DCHS2: variants seen among roughly 807,000 people sequenced by gnomAD.
DCHS2 encodes protocadherin-23.
A neutral mutation model predicts 182.4 loss-of-function variants in DCHS2; 142 were observed. The observed-to-expected ratio is 0.78, with a 90% CI of 0.68 to 0.89. The LOEUF (loss-of-function observed/expected upper bound fraction) is 0.89. Among genes scored for constraint, DCHS2 ranks in the 40% least tolerant of loss-of-function variants. The pLI is 0.00. For missense variants in DCHS2, 4,319 were observed against 4,198.6 expected, an observed-to-expected ratio of 1.03 and a Z score of -0.79; for synonymous variants, 1,740 against 1,663.3, an observed-to-expected ratio of 1.05 and a Z score of -1.12.
At chr4:154,459,955 C>A (rs1734945213) in intron 1 of DCHS2, among the ~76,000 whole-genome samples, 1 of 152,166 alleles carries the variant, frequency 6.6e-6, no homozygotes, top group South Asian at 2.1e-4. Flanking sequence ...ACCAATTCTA[C>A]ACCTGATGGA....
rs931979166 is a variant in DCHS2, at chr4:154,491,539, A to G, written c.-184T>C. The G allele has an allele frequency of 1.9e-5, 27 of 1,389,530 alleles. No individual in the cohort carries two copies. The highest frequency in any genetic ancestry group is 2.3e-5 in the Non-Finnish European group (25 of 1,078,484). 86.1% of individuals were successfully genotyped at this position (1,389,530 alleles called of 1,614,324 possible). The stretch of plus-strand genomic sequence containing the variant: ...ACTGGTGAAAGCGTCCTCTGCCTGC[A>G]GCTCACGCAGACAGGGAAGTAAGCT... On this transcript the variant is annotated 5_prime_UTR_variant, in exon 1 of 20. Coordinates refer to ENST00000357232, the MANE Select transcript of DCHS2 (RefSeq NM_001358235.2).
chr4:154,373,844 AC>A, intron 2 of DCHS2: 1 of 1,219,130 alleles, frequency 8.2e-7, no homozygotes, highest in Non-Finnish European at 1.2e-6. Flanking sequence ...GAGAAGGAAA[AC>A]TCGAAGCTCT....
rs771129316 is a variant in DCHS2, at chr4:154,234,722, G to T, written c.9930C>A (p.Arg3310=). ...AACCAAGATGGTAGGGGATGGGAGA[G>T]CGTGGGTGTTTCGGAGGCACCTGCC... ...NLGQVPPKHP[R]SPIPYHLGSL... is the part of the protein sequence containing the mutation. The change falls in exon 20 of 20, where the codon CGC becomes CGA. Residue 3310 remains arginine (R), a synonymous_variant. Transcript: ENST00000357232. 6.2e-7 allele frequency: 1 copy of T among 1,613,854 alleles called. No homozygotes were observed. The highest frequency in any genetic ancestry group is 8.5e-7 in the Non-Finnish European group (1 of 1,179,934).
rs144958561 is a variant in DCHS2 at position 154,255,619 on chromosome 4, T to A, written c.6841A>T (p.Ile2281Phe). Residue 2281 changes from isoleucine (I) to phenylalanine (F), a missense_variant, in exon 16 of 20, where the codon ATT becomes TTT. By Grantham distance (21) the Ile-to-Phe change is conservative (BLOSUM62 0). Coordinates refer to ENST00000357232, the MANE Select transcript of DCHS2 (RefSeq NM_001358235.2). Reference sequence around the variant, plus strand: ...GCTTCTTCTTGGTTGCCAGACAGAATAGAATACTCAATCAGGCCGTTCAAA... The same window carrying A: ...GCTTCTTCTTGGTTGCCAGACAGAAAAGAATACTCAATCAGGCCGTTCAAA... ...SGLNGLIEYS[I>F]LSGNQEEAFQ... The A allele has an allele frequency of 1.4e-5, 22 of 1,613,834 alleles. No homozygotes were observed. The African/African-American group carries it at 2.8e-4, about 21-fold the overall frequency.
intron 3 of DCHS2, among the ~76,000 whole-genome samples, chr4:154,349,809 A>G (rs1315184810): frequency 2.0e-5 from 3 of 152,242 alleles, no homozygotes; most frequent in African/African-American, 7.2e-5. Context: ...GATGAATACT[A>G]TTTAATTAAT....
chr4:154,327,655 C>T (rs574245134), intron 7 of DCHS2, among the ~76,000 whole-genome samples: 7 of 152,222 alleles, frequency 4.6e-5, no homozygotes, highest in South Asian at 2.1e-4. Flanking sequence ...CATACACACA[C>T]GCATGTATAC....
intron 1 of DCHS2, among the ~76,000 whole-genome samples, chr4:154,474,071 C>A (rs141466358): frequency 2.1e-3 from 317 of 152,284 alleles, no homozygotes; most frequent in Non-Finnish European, 3.5e-3. Flanking sequence ...TTGCCCTTTT[C>A]AGCTTTTGGT....
Position 154,427,477 on chromosome 4 carries a change from C to T in DCHS2, c.2053-50033G>A, listed in dbSNP as rs184494122. Among the ~76,000 whole-genome samples the T allele has an allele frequency of 1.8e-3, 274 of 152,298 alleles. 1 individual carries two copies. The highest frequency in any genetic ancestry group is 5.9e-3 in the African/African-American group (246 of 41,566). ...CCTTTTTCCATCCATGACTATTGCC[C>T]GACCACGCAGCAACCCCAGAGCCAC... On this transcript the variant is annotated intron_variant, in intron 1 of 19. Transcript: ENST00000357232.
At chr4:154,488,892 GTGTGTGTGT>G (rs1728682351) in intron 1 of DCHS2, among the ~76,000 whole-genome samples, 1 of 24,680 alleles carries the variant, frequency 4.1e-5, no homozygotes, top group East Asian at 8.5e-3. Context: ...ATATATGTGT[GTGTGTGTGT>G]CTGTGTGTGT....
intron 2 of DCHS2, among the ~76,000 whole-genome samples, chr4:154,376,377 T>A (rs1451970998): frequency 6.6e-6 from 1 of 152,040 alleles, no homozygotes; most frequent in Non-Finnish European, 1.5e-5. Context: ...TTTTTTAAAA[T>A]CCAGGAATTT....
At chr4:154,248,601 T>C (rs1219312257) in intron 16 of DCHS2, among the ~76,000 whole-genome samples, 1 of 152,178 alleles carries the variant, frequency 6.6e-6, no homozygotes, top group Non-Finnish European at 1.5e-5. Context: ...TATGTATCTA[T>C]TGAATACTTC....
intron 1 of DCHS2, among the ~76,000 whole-genome samples, chr4:154,454,134 C>T (rs564125566): frequency 1.1e-3 from 81 of 71,790 alleles, no homozygotes; most frequent in African/African-American, 8.0e-4. Flanking sequence ...CACATGCGCG[C>T]GCACACACAC....
intron 1 of DCHS2, among the ~76,000 whole-genome samples, chr4:154,404,384 A>G (rs1379879874): frequency 6.6e-6 from 1 of 152,236 alleles, no homozygotes; most frequent in African/African-American, 2.4e-5. Context: ...ATCACAGAAC[A>G]TAGTCTATGA....
intron 3 of DCHS2, among the ~76,000 whole-genome samples, chr4:154,343,161 C>T (rs938163118): frequency 6.6e-6 from 1 of 152,094 alleles, no homozygotes; most frequent in African/African-American, 2.4e-5. Context: ...AGGCTGTAGA[C>T]AGATGATATC....
chr4:154,305,042 T>C (rs1578942511), intron 11 of DCHS2, 55 bp downstream of exon 11: 8 of 1,513,062 alleles, frequency 5.3e-6, no homozygotes, highest in African/African-American at 1.4e-5. Flanking sequence ...TAACAGGTTT[T>C]TTTTAAATTT....
At position 154,235,598 on chromosome 4, in the gene DCHS2, T is replaced by A. The variant is rs73857226; in HGVS notation, c.9054A>T (p.Arg3018Ser). Residue 3018 changes from arginine to serine, a missense_variant, in exon 20 of 20, where the codon AGA (arginine) becomes AGT (serine). Physicochemically the swap from Arg to Ser is moderately radical, Grantham distance 110. Coordinates refer to ENST00000357232, the MANE Select transcript of DCHS2 (RefSeq NM_001358235.2). ...LICILIVMILRHKQKDTINNY... is the reference protein window; with the variant it reads ...LICILIVMILSHKQKDTINNY... Reference sequence around the variant, plus strand: ...TGTTTATTGTGTCTTTTTGTTTATGTCTTAAAATCATTACAATTAGAATGC... The same window carrying A: ...TGTTTATTGTGTCTTTTTGTTTATGACTTAAAATCATTACAATTAGAATGC... 2,714 of 1,613,956 alleles carry A rather than the reference T, an allele frequency of 1.7e-3. 45 individuals are homozygous for A. The African/African-American group carries it at 0.032, about 19-fold the overall frequency.
chr4:154,245,599 G>T (rs1034452342), intron 16 of DCHS2, among the ~76,000 whole-genome samples: 1 of 151,746 alleles, frequency 6.6e-6, no homozygotes, highest in Non-Finnish European at 1.5e-5. Flanking sequence ...ACTATGAAAA[G>T]AAAAACTATG....
intron 2 of DCHS2, 145 bp downstream of exon 2, chr4:154,377,108 C>G (rs1399289894): frequency 2.9e-6 from 2 of 696,078 alleles, no homozygotes; most frequent in Non-Finnish European, 4.5e-6. Context: ...TGGATATTTG[C>G]TTCAAAAAAC....
chr4:154,239,131 C>A, intron 19 of DCHS2, 39 bp downstream of exon 19: 1 of 1,583,240 alleles, frequency 6.3e-7, no homozygotes, highest in East Asian at 2.3e-5. Flanking sequence ...ACTTTGAAAC[C>A]CAAACCTATG....
Sources: allele counts gnomAD v4.1 joint callset (sites outside exome capture counted in the v4.1 genomes callset), GRCh38; gene constraint gnomAD v4.1.1; transcripts MANE v1.5; gene names NCBI Gene and HGNC (gene_info 2026-07-23, HGNC 2026-07-21).